Variants in CCDC60 observed in about 807,000 individuals in gnomAD.
CCDC60 encodes the protein coiled-coil domain containing 60, also known as coiled-coil domain-containing protein 60.
CCDC60 carries 54 observed loss-of-function variants against 63.5 expected under a neutral mutation model. The ratio of observed to expected loss-of-function variants is 0.85; its 90% CI spans 0.68 to 1.07. CCDC60 has a LOEUF of 1.07. Among genes scored for constraint, CCDC60 ranks in the 50% least tolerant of loss-of-function variants. The pLI, the probability that CCDC60 is intolerant of heterozygous loss-of-function variation, is 0.00. For synonymous variants in CCDC60, 206 were observed against 238.8 expected, an observed-to-expected ratio of 0.86 and a Z score of 1.27; for missense variants, 651 against 684.3, an observed-to-expected ratio of 0.95 and a Z score of 0.54.
At chr12:119,535,080 G>A (rs1462772082) in intron 13 of CCDC60, among the ~76,000 whole-genome samples, 1 of 152,104 alleles carries the variant, frequency 6.6e-6, no homozygotes, top group Non-Finnish European at 1.5e-5. Flanking sequence ...ATTAATTACT[G>A]CCTCAATTTC....
chr12:119,532,707 G>A (rs1952887588), intron 13 of CCDC60, among the ~76,000 whole-genome samples: 1 of 152,076 alleles, frequency 6.6e-6, no homozygotes. Flanking sequence ...TGAGAATGAT[G>A]ATTTCCAGCT....
In CCDC60 at chr12:119,505,160, G is replaced by T. The variant is rs1951960901; in HGVS notation, c.740G>T (p.Gly247Val). The change falls in exon 7 of 14, where the codon GGG (glycine) becomes GTG (valine). Residue 247 changes from glycine to valine, a missense_variant. Transcript: ENST00000327554. ...STLSLSRASGGSSPQSSMISV... is the reference protein window; with the variant it reads ...STLSLSRASGVSSPQSSMISV... The stretch of plus-strand genomic sequence containing the variant: ...CTCAGTCTGAGTCGGGCCAGTGGGG[G>T]GTCCTCTCCCCAGAGCAGCATGATC... 1 of 1,613,982 alleles carries T rather than the reference G, an allele frequency of 6.2e-7. No homozygotes were observed. The highest frequency in any genetic ancestry group is 1.3e-5 in the African/African-American group (1 of 74,914).
At chr12:119,493,831 G>T (rs2136392180) in intron 5 of CCDC60, among the ~76,000 whole-genome samples, 1 of 151,614 alleles carries the variant, frequency 6.6e-6, no homozygotes, top group East Asian at 1.9e-4. Context: ...GAATTCTGAG[G>T]GTTTTTTTTG....
At chr12:119,489,268 C>A (rs1012840128) in intron 5 of CCDC60, among the ~76,000 whole-genome samples, 2 of 152,140 alleles carry the variant, frequency 1.3e-5, no homozygotes, top group Non-Finnish European at 2.9e-5. Flanking sequence ...TCCTTTTCCT[C>A]CTCCTTTCCC....
rs146125252 is a variant in CCDC60, at chr12:119,506,668, G to A, written c.883+1365G>A. On this transcript the variant is annotated intron_variant, in intron 7 of 13. Coordinates refer to ENST00000327554, the MANE Select transcript of CCDC60 (RefSeq NM_178499.5). ...GGAATGGGGAAGGGAAGGAAAATAGGAAAATTCATTGAAAGCTATGAGCCC... is the reference window on the plus strand; with the variant it reads ...GGAATGGGGAAGGGAAGGAAAATAGAAAAATTCATTGAAAGCTATGAGCCC... Among the ~76,000 whole-genome samples the A allele has an allele frequency of 3.4e-3, 509 of 151,920 alleles. 2 individuals carry two copies. Among genetic ancestry groups the A allele is most frequent in the African/African-American group, 0.012 (489 of 41,450 alleles).
At chr12:119,475,998 A>T (rs1277956817) in intron 3 of CCDC60, among the ~76,000 whole-genome samples, 1 of 152,232 alleles carries the variant, frequency 6.6e-6, no homozygotes, top group African/African-American at 2.4e-5. Flanking sequence ...AAGTATAAAA[A>T]ATACAAGTTT....
chr12:119,499,173 G>A (rs2136409336), intron 5 of CCDC60, among the ~76,000 whole-genome samples: 1 of 152,136 alleles, frequency 6.6e-6, no homozygotes, highest in South Asian at 2.1e-4. Flanking sequence ...TATTAATTTG[G>A]CAACAAATCT....
chr12:119,536,406 C>G (rs1477519887), intron 13 of CCDC60, among the ~76,000 whole-genome samples: 1 of 152,116 alleles, frequency 6.6e-6, no homozygotes, highest in African/African-American at 2.4e-5. Flanking sequence ...GGTATTTAGC[C>G]CATTTACGTT....
chr12:119,445,836 A>G (rs1434997044), intron 2 of CCDC60, among the ~76,000 whole-genome samples: 2 of 152,196 alleles, frequency 1.3e-5, no homozygotes, highest in Non-Finnish European at 2.9e-5. Context: ...TAACTCAGGA[A>G]TGGAAAACCA....
intron 7 of CCDC60, 32 bp downstream of exon 7, chr12:119,505,335 C>G: frequency 6.8e-7 from 1 of 1,474,580 alleles, no homozygotes; most frequent in Non-Finnish European, 9.4e-7. Flanking sequence ...ACTCATCTAC[C>G]CTGACCCTTT....
chr12:119,415,716 T>C (rs1956686939), intron 1 of CCDC60, among the ~76,000 whole-genome samples: 1 of 152,182 alleles, frequency 6.6e-6, no homozygotes, highest in Non-Finnish European at 1.5e-5. Flanking sequence ...GTCAACAACT[T>C]GGTAAATTAG....
intron 1 of CCDC60, among the ~76,000 whole-genome samples, chr12:119,389,885 GA>G (rs1956126639): frequency 6.6e-6 from 1 of 152,058 alleles, no homozygotes; most frequent in African/African-American, 2.4e-5. Context: ...AAACTAAATG[GA>G]AAATGCAAAT....
intron 13 of CCDC60, among the ~76,000 whole-genome samples, chr12:119,533,858 C>T (rs1952928167): frequency 6.6e-6 from 1 of 152,178 alleles, no homozygotes; most frequent in South Asian, 2.1e-4. Context: ...AGTGTGATGC[C>T]TCCAGCTTTG....
chr12:119,387,027 G>GTC (rs373728829), intron 1 of CCDC60, among the ~76,000 whole-genome samples: 21,376 of 97,826 alleles, frequency 0.22, 3,317 homozygotes, highest in African/African-American at 0.33. Flanking sequence ...CTCCCCCTCT[G>GTC]TCTCTCTCAC....
intron 5 of CCDC60, among the ~76,000 whole-genome samples, chr12:119,492,682 C>G (rs1467724252): frequency 6.6e-6 from 1 of 152,134 alleles, no homozygotes; most frequent in Non-Finnish European, 1.5e-5. Context: ...AGCTCTGCCA[C>G]TTAATAGCTG....
At chr12:119,503,744 A>C (rs1722723440) in intron 6 of CCDC60, among the ~76,000 whole-genome samples, 1 of 152,196 alleles carries the variant, frequency 6.6e-6, no homozygotes, top group Admixed American at 6.5e-5. Flanking sequence ...GTAGCCATTC[A>C]AAATATTGCT....
At chr12:119,404,123 A>T (rs1956442534) in intron 1 of CCDC60, among the ~76,000 whole-genome samples, 1 of 152,142 alleles carries the variant, frequency 6.6e-6, no homozygotes, top group Non-Finnish European at 1.5e-5. Flanking sequence ...CTCTGTCTCT[A>T]CTAAAAATAC....
chr12:119,393,529 A>G (rs1411636795), intron 1 of CCDC60, among the ~76,000 whole-genome samples: 1 of 152,244 alleles, frequency 6.6e-6, no homozygotes. Flanking sequence ...TTGTACCTGC[A>G]TTAAACAGGG....
chr12:119,503,174 CAAATAAAAATAAAAAT>C (rs1444086493), intron 6 of CCDC60, among the ~76,000 whole-genome samples: 1 of 152,064 alleles, frequency 6.6e-6, no homozygotes, highest in Non-Finnish European at 1.5e-5. Flanking sequence ...CAGACCCTGT[CAAATAAAAATAAAAAT>C]AAAAAAATTA....
Sources: gnomAD v4.1 joint callset for allele counts (sites outside exome capture counted in the v4.1 genomes callset) on GRCh38, gnomAD v4.1.1 for gene constraint, MANE v1.5 for transcripts, NCBI Gene and HGNC (gene_info 2026-07-23, HGNC 2026-07-21) for gene names.